AKAP6: variants seen among roughly 807,000 people sequenced by gnomAD.
The protein encoded by AKAP6 is A-kinase anchor protein 6.
A neutral mutation model predicts 188.5 loss-of-function variants in AKAP6; 58 were observed. The ratio of observed to expected loss-of-function variants is 0.31; its 90% confidence interval spans 0.25 to 0.38. AKAP6 has a LOEUF of 0.38. AKAP6 is among the 10% of genes least tolerant of loss of function. The probability of loss-of-function intolerance (pLI) is 1.00; values close to 1 mark genes in which losing one functional copy is unlikely to be tolerated. For synonymous variants in AKAP6, 989 were observed against 998.6 expected, an observed-to-expected ratio of 0.99 and a Z score of 0.18; for missense variants, 2,710 against 2,740.0, an observed-to-expected ratio of 0.99 and a Z score of 0.24.
chr14:32,668,319 ATGTT>A (rs1462892156), intron 7 of AKAP6, among the ~76,000 whole-genome samples: 8 of 152,214 alleles, frequency 5.3e-5, no homozygotes, highest in Non-Finnish European at 7.4e-5. Context: ...ATAGTTTGAT[ATGTT>A]TGTTTGATAT....
intron 3 of AKAP6, 27 bp from the exon 4 acceptor site, chr14:32,545,203 T>C (rs1883140179): frequency 6.3e-7 from 1 of 1,595,528 alleles, no homozygotes; most frequent in South Asian, 1.1e-5. Context: ...TTGCATTTAC[T>C]GAAACCATTG....
chr14:32,403,784 T>G (rs1025751441), intron 1 of AKAP6, among the ~76,000 whole-genome samples: 8 of 152,246 alleles, frequency 5.3e-5, no homozygotes, highest in Non-Finnish European at 1.0e-4. Context: ...CTGATGCTTT[T>G]GTTGTTGTTC....
At chr14:32,594,350 A>T (rs189559600) in intron 5 of AKAP6, among the ~76,000 whole-genome samples, 3 of 152,250 alleles carry the variant, frequency 2.0e-5, no homozygotes, top group African/African-American at 7.2e-5. Flanking sequence ...TAATTTTATC[A>T]TAGATACAAT....
intron 9 of AKAP6, among the ~76,000 whole-genome samples, chr14:32,725,206 C>CT (rs1276823881): frequency 6.6e-6 from 1 of 152,080 alleles, no homozygotes. Context: ...GTTTGTAAAA[C>CT]TAACCAGCTC....
chr14:32,815,244 G>GA (rs1159009563), intron 12 of AKAP6, among the ~76,000 whole-genome samples: 3 of 152,118 alleles, frequency 2.0e-5, no homozygotes, highest in Non-Finnish European at 4.4e-5. Context: ...TTGAGTTTCT[G>GA]ATCAGCTTTG....
At chr14:32,643,520 C>T (rs903028745) in intron 7 of AKAP6, among the ~76,000 whole-genome samples, 2 of 152,038 alleles carry the variant, frequency 1.3e-5, no homozygotes, top group African/African-American at 4.8e-5. Context: ...GTTGGTCAGG[C>T]TGGTCTTGAA....
intron 2 of AKAP6, among the ~76,000 whole-genome samples, chr14:32,439,693 T>A (rs1441562785): frequency 2.0e-5 from 3 of 152,148 alleles, no homozygotes; most frequent in Non-Finnish European, 2.9e-5. Context: ...CCAGGGTTGA[T>A]TCATGGGCAT....
At chr14:32,747,222 G>C (rs1213873369) in intron 11 of AKAP6, among the ~76,000 whole-genome samples, 2 of 152,160 alleles carry the variant, frequency 1.3e-5, no homozygotes, top group Non-Finnish European at 2.9e-5. Flanking sequence ...ATTTAAAGGA[G>C]ATGAGTTTGA....
intron 7 of AKAP6, among the ~76,000 whole-genome samples, chr14:32,635,721 A>G (rs1001084093): frequency 6.6e-6 from 1 of 152,232 alleles, no homozygotes; most frequent in African/African-American, 2.4e-5. Flanking sequence ...TATGTGTTCA[A>G]TGGACATATT....
intron 12 of AKAP6, among the ~76,000 whole-genome samples, chr14:32,798,218 G>T (rs76212129): frequency 2.6e-5 from 4 of 152,270 alleles, no homozygotes; most frequent in African/African-American, 9.6e-5. Context: ...CAGTTAGAAT[G>T]GCTATTATTA....
intron 7 of AKAP6, among the ~76,000 whole-genome samples, chr14:32,619,823 T>A (rs1468203650): frequency 6.6e-6 from 1 of 152,236 alleles, no homozygotes; most frequent in Non-Finnish European, 1.5e-5. Flanking sequence ...TATTTTCATT[T>A]GTTTGTGTCA....
At chr14:32,772,542 C>A (rs1278497357) in intron 11 of AKAP6, among the ~76,000 whole-genome samples, 1 of 152,110 alleles carries the variant, frequency 6.6e-6, no homozygotes, top group Non-Finnish European at 1.5e-5. Flanking sequence ...TTAAATGGCT[C>A]TAGCATGCAT....
At chr14:32,686,358 G>A (rs1422569517) in intron 8 of AKAP6, among the ~76,000 whole-genome samples, 1 of 152,090 alleles carries the variant, frequency 6.6e-6, no homozygotes, top group Admixed American at 6.5e-5. Context: ...CACAGAGAAT[G>A]AATAAGACCT....
At chr14:32,433,991 T>C (rs1890303629) in intron 2 of AKAP6, 174 bp downstream of exon 2, 1 of 635,674 alleles carries the variant, frequency 1.6e-6, no homozygotes, top group African/African-American at 1.8e-5. Context: ...TTCTCTGATT[T>C]TACTACATGT....
chr14:32,526,448 G>A lies in AKAP6; in HGVS notation c.325-9106G>A, dbSNP rs1235998174. ...CAGTTTCACCACATTGCCCCGGCTG[G>A]TCTCAAACTCATGAACTCAAGTGAT... On this transcript the variant is annotated intron_variant, in intron 2 of 13. Coordinates refer to ENST00000280979, the MANE Select transcript of AKAP6 (RefSeq NM_004274.5). Among the ~76,000 whole-genome samples the A allele has an allele frequency of 2.0e-4, 30 of 152,054 alleles. 1 individual carries two copies. The highest frequency in any genetic ancestry group is 2.0e-3 in the Admixed American group (30 of 15,284).
chr14:32,371,452 A>G (rs779589982), intron 1 of AKAP6, among the ~76,000 whole-genome samples: 13 of 152,140 alleles, frequency 8.5e-5, no homozygotes, highest in Admixed American at 6.6e-5. Context: ...CCAAAAACCA[A>G]AAGAATTAGC....
intron 7 of AKAP6, among the ~76,000 whole-genome samples, chr14:32,611,201 G>A (rs914898758): frequency 6.6e-6 from 1 of 152,182 alleles, no homozygotes; most frequent in Non-Finnish European, 1.5e-5. Context: ...GAGCAGTTAG[G>A]AGAATGGTAT....
chr14:32,380,063 C>T (rs1340602923), intron 1 of AKAP6, among the ~76,000 whole-genome samples: 1 of 152,172 alleles, frequency 6.6e-6, no homozygotes, highest in African/African-American at 2.4e-5. Context: ...TGAAGCTCTC[C>T]ATGTCATTCT....
chr14:32,451,083 GAACA>G (rs1890920636), intron 2 of AKAP6, among the ~76,000 whole-genome samples: 1 of 152,110 alleles, frequency 6.6e-6, no homozygotes, highest in Admixed American at 6.5e-5. Context: ...AAATACTTAT[GAACA>G]AACAAACATG....
Sources: gnomAD v4.1 joint callset for allele counts (sites outside exome capture counted in the v4.1 genomes callset) on GRCh38, gnomAD v4.1.1 for gene constraint, MANE v1.5 for transcripts, NCBI Gene and HGNC (gene_info 2026-07-23, HGNC 2026-07-21) for gene names.